Variants in TTYH1 observed in about 807,000 individuals in gnomAD.
TTYH1 encodes tweety family member 1.
In TTYH1, 33 loss-of-function variants were observed where a neutral mutation model predicts 61.2. The observed-to-expected ratio is 0.54, with a 90% confidence interval of 0.41 to 0.72. TTYH1 has a LOEUF of 0.72. Ranked by LOEUF, TTYH1 falls within the 30% of genes least tolerant of loss-of-function variation. TTYH1 has a pLI of 0.00. For missense variants in TTYH1, 538 were observed against 575.8 expected (o/e 0.93, Z 0.67); for synonymous variants, 308 against 266.4 (o/e 1.16, Z -1.52).
In TTYH1 at chr19:54,435,883, G is replaced by A. The variant is rs757577142; in HGVS notation, c.1314+10G>A. ...CCCTTTCAACCCTCAGGTACTGGATGCCTGGGTCTGAGGGAGGAGGGGCGG... is the reference window on the plus strand; with the variant it reads ...CCCTTTCAACCCTCAGGTACTGGATACCTGGGTCTGAGGGAGGAGGGGCGG... On this transcript the variant is annotated intron_variant, in intron 12 of 13. Coordinates refer to ENST00000376530, the MANE Select transcript of TTYH1 (RefSeq NM_020659.4). 2 of 1,613,694 alleles carry A rather than the reference G, an allele frequency of 1.2e-6. No homozygotes were observed. The highest frequency in any genetic ancestry group is 2.2e-5 in the South Asian group (2 of 90,992).
At chr19:54,431,572 C>G (rs2083445939) in intron 10 of TTYH1, 1 of 270,388 alleles carries the variant, frequency 3.7e-6, no homozygotes, top group African/African-American at 2.3e-5. Context: ...AGCAAGACTG[C>G]CTGGGTTCCA....
chr19:54,436,262 C>CCTG lies in TTYH1; in HGVS notation c.*43-67_*43-65dup. On this transcript the variant is annotated intron_variant, in intron 13 of 13. Transcript: ENST00000376530. This position sits in a 1 kb window ranked among gnomAD's most constrained non-coding sequence, Gnocchi z 4.3. ...TGCTCCAGGCATGGGCTGCGTGCCTCCTGCTGGGTGGATCGCACCGGGCAG... is the reference window on the plus strand; with the variant it reads ...TGCTCCAGGCATGGGCTGCGTGCCTCCTGCTGCTGGGTGGATCGCACCGGGCAG... 6.2e-7 allele frequency: 1 copy of CCTG among 1,610,476 alleles called. No homozygotes were observed. The highest frequency in any genetic ancestry group is 2.2e-5 in the East Asian group (1 of 44,824).
At chr19:54,424,759 G>A (rs182195099) in intron 4 of TTYH1, among the ~76,000 whole-genome samples, 10 of 152,356 alleles carry the variant, frequency 6.6e-5, no homozygotes, top group Admixed American at 5.9e-4. Context: ...TTGCTGGAGG[G>A]GAGCACTTGC....
At chr19:54,423,442 C>T (rs956828858) in intron 4 of TTYH1, among the ~76,000 whole-genome samples, 20 of 152,070 alleles carry the variant, frequency 1.3e-4, no homozygotes, top group Non-Finnish European at 2.8e-4. Flanking sequence ...GTGATCTGCC[C>T]GCCTTGGCCT....
intron 4 of TTYH1, chr19:54,426,418 G>A: frequency 1.8e-6 from 1 of 552,696 alleles, no homozygotes; most frequent in Non-Finnish European, 3.3e-6. Flanking sequence ...CATGTGTGTG[G>A]CCCGGCCAGG....
In TTYH1 at chr19:54,434,421, G is replaced by C. The variant is rs914907984; in HGVS notation, c.1126-1121G>C. ...CTGCCTCTGGCCTCAGCCCCTCCCA[G>C]CTTCCTCTGCACAGCCCTCTGCCTG... On this transcript the variant is annotated intron_variant, in intron 10 of 13. Coordinates refer to ENST00000376530, the MANE Select transcript of TTYH1 (RefSeq NM_020659.4). The surrounding 1 kb of genome is among the most constrained non-coding windows in gnomAD (Gnocchi z 4.3). The C allele has an allele frequency of 1.3e-5, 2 of 153,290 alleles. No homozygotes were observed. The highest frequency in any genetic ancestry group is 4.8e-5 in the African/African-American group (2 of 41,430). 9.5% of individuals were successfully genotyped at this position (153,290 alleles called of 1,614,324 possible).
Position 54,429,221 on chromosome 19 carries a change from G to C in TTYH1, c.735-86G>C. 1 of 1,249,308 alleles carries C rather than the reference G, an allele frequency of 8.0e-7. No homozygotes were observed. The highest frequency in any genetic ancestry group is 1.2e-6 in the Non-Finnish European group (1 of 854,060). The allele number at this position is 1,249,308 out of a possible 1,614,324, so 77.4% of individuals were successfully genotyped here. ...GCTCCAGAGGTGGGTGGAGGTGGGGGGCGGCTGTGATGGGATTTGGGGTGT... is the reference window on the plus strand; with the variant it reads ...GCTCCAGAGGTGGGTGGAGGTGGGGCGCGGCTGTGATGGGATTTGGGGTGT... On this transcript the variant is annotated intron_variant, in intron 5 of 13. Coordinates refer to ENST00000376530, the MANE Select transcript of TTYH1 (RefSeq NM_020659.4). The surrounding 1 kb of genome is among the most constrained non-coding windows in gnomAD (Gnocchi z 5.1).
At chr19:54,430,653 T>C (rs1201180972) in intron 8 of TTYH1, 48 bp downstream of exon 8, 28 of 1,117,286 alleles carry the variant, frequency 2.5e-5, no homozygotes, top group Non-Finnish European at 3.5e-5. Context: ...GCCAGAAATC[T>C]GGACTCTGAA....
Position 54,436,365 on chromosome 19 carries a change from A to C in TTYH1, c.*75A>C. The C allele has an allele frequency of 1.2e-6, 2 of 1,613,894 alleles. No homozygotes were observed. The highest frequency in any genetic ancestry group is 1.7e-6 in the Non-Finnish European group (2 of 1,179,940). ...CCTGGCTGCCGGAGGAGACCCCACT[A>C]ACCCAGCCTGCCTGGGCTCTGACCA... is the stretch of plus-strand genomic sequence containing the variant. On this transcript the variant is annotated 3_prime_UTR_variant, in exon 14 of 14. Coordinates refer to ENST00000376530, the MANE Select transcript of TTYH1 (RefSeq NM_020659.4). This position sits in a 1 kb window ranked among gnomAD's most constrained non-coding sequence, Gnocchi z 4.3.
rs987395681 is a variant in TTYH1 at position 54,419,229 on chromosome 19, G to A, written c.228G>A (p.Glu76=). The A allele has an allele frequency of 2.5e-6, 4 of 1,609,750 alleles. No individual in the cohort carries two copies. The Admixed American group carries it at 6.7e-5, about 27-fold the overall frequency. The part of the protein sequence containing the change: ...LIRFCCCRPP[E]PPGSKIPSPG... ...GCTTCTGCTGCTGCCGGCCCCCCGA[G>A]CCCCCCGGGTCCAAGATCCCCTCGC... The change falls in exon 2 of 14, where the codon GAG becomes GAA. Residue 76 remains glutamate, a synonymous_variant. Transcript: ENST00000376530. This position sits in a 1 kb window ranked among gnomAD's most constrained non-coding sequence, Gnocchi z 6.1.
chr19:54,435,402 TGACAGGGGAAACTGA>T (rs1422092581), intron 10 of TTYH1, 125 bp from the exon 11 acceptor site: 2 of 1,074,654 alleles, frequency 1.9e-6, no homozygotes, highest in Non-Finnish European at 2.7e-6. Context: ...AACTGCCCTT[TGACAGGGGAAACTGA>T]GGCACAGAGT....
At chr19:54,417,612 A>T (rs1050267044) in intron 1 of TTYH1, among the ~76,000 whole-genome samples, 1 of 128,046 alleles carries the variant, frequency 7.8e-6, no homozygotes, top group Non-Finnish European at 1.7e-5. Flanking sequence ...TCCCATATAC[A>T]AGCACACACT....
chr19:54,425,996 G>A (rs1007422275), intron 4 of TTYH1, among the ~76,000 whole-genome samples: 8 of 152,208 alleles, frequency 5.3e-5, no homozygotes, highest in African/African-American at 1.9e-4. Flanking sequence ...GATTACAGGC[G>A]TGAGCCACCT....
At chr19:54,432,360 T>C (rs1599916154) in intron 10 of TTYH1, 1 of 152,222 alleles carries the variant, frequency 6.6e-6, no homozygotes. Context: ...TCACAGGTGG[T>C]AACTCATCGA....
rs368090134 is a variant in TTYH1 at position 54,419,217 on chromosome 19, C to T, written c.216C>T (p.Cys72=). 4.3e-6 allele frequency: 7 copies of T among 1,610,782 alleles called. No homozygotes were observed. In the African/African-American group the frequency reaches 5.3e-5, roughly 12 times the overall value. ...TCTACCTCATCCGCTTCTGCTGCTG[C>T]CGGCCCCCCGAGCCCCCCGGGTCCA... is the stretch of plus-strand genomic sequence containing the variant. The part of the protein sequence containing the change: ...IAVYLIRFCC[C]RPPEPPGSKI... The change falls in exon 2 of 14, where the codon TGC becomes TGT. Residue 72 remains cysteine, a synonymous_variant. Coordinates refer to ENST00000376530, the MANE Select transcript of TTYH1 (RefSeq NM_020659.4). The surrounding 1 kb of genome is among the most constrained non-coding windows in gnomAD (Gnocchi z 6.1).
chr19:54,423,559 C>T (rs2083262477), intron 4 of TTYH1, among the ~76,000 whole-genome samples: 1 of 152,194 alleles, frequency 6.6e-6, no homozygotes, highest in Admixed American at 6.5e-5. Context: ...CCACCCTAAC[C>T]ACGCGGCTGC....
In TTYH1 at chr19:54,419,963, A is replaced by G. The variant is rs1165884647; in HGVS notation, c.305+657A>G. Among the ~76,000 whole-genome samples, 1 of 152,040 alleles carries G rather than the reference A, an allele frequency of 6.6e-6. No individual in the cohort carries two copies. Among genetic ancestry groups the G allele is most frequent in the East Asian group, 1.9e-4 (1 of 5,180 alleles). On this transcript the variant is annotated intron_variant, in intron 2 of 13. Transcript: ENST00000376530. The surrounding 1 kb of genome is among the most constrained non-coding windows in gnomAD (Gnocchi z 6.1). ...AGCTGGTCTAATTCCTTCTCACAAT[A>G]ATGCTGCTGGATTCAGGGGTGTCAG...
chr19:54,427,615 C>CAAA (rs1382990991), intron 5 of TTYH1, among the ~76,000 whole-genome samples: 5 of 144,094 alleles, frequency 3.5e-5, no homozygotes, highest in Non-Finnish European at 6.1e-5. Flanking sequence ...AAAACAACAA[C>CAAA]AACAAAAAAA....
chr19:54,429,155 C>G lies in TTYH1; in HGVS notation c.735-152C>G, dbSNP rs899649165. 9.6e-5 allele frequency: 68 copies of G among 709,414 alleles called. No homozygotes were observed. Among genetic ancestry groups the G allele is most frequent in the Non-Finnish European group, 1.6e-4 (66 of 407,092 alleles). 43.9% of individuals were successfully genotyped at this position (709,414 alleles called of 1,614,324 possible). On this transcript the variant is annotated intron_variant, in intron 5 of 13. Coordinates refer to ENST00000376530, the MANE Select transcript of TTYH1 (RefSeq NM_020659.4). The surrounding 1 kb of genome is among the most constrained non-coding windows in gnomAD (Gnocchi z 5.1). ...GACATCAGCAGCCACTGGCCTACCC[C>G]CAACCACTGAACTTGTGTTTCCCTA... is the stretch of plus-strand genomic sequence containing the variant.
Sources: gnomAD v4.1 joint callset for allele counts (sites outside exome capture counted in the v4.1 genomes callset) on GRCh38, gnomAD v4.1.1 for gene constraint, Gnocchi (gnomAD v3.1) non-coding constraint, MANE v1.5 for transcripts, NCBI Gene and HGNC (gene_info 2026-07-23, HGNC 2026-07-21) for gene names.